The following MAF variants were observed in gnomAD, a reference collection of about 807,000 sequenced individuals.
The protein encoded by MAF is MAF bZIP transcription factor.
Under a neutral mutation model 22.0 loss-of-function variants are expected in MAF, and 10 were observed. The observed-to-expected ratio is 0.45, with a 90% CI of 0.28 to 0.77. The LOEUF (loss-of-function observed/expected upper bound fraction) is 0.77. Ranked by LOEUF, MAF falls within the 30% of genes least tolerant of loss-of-function variation. MAF has a pLI of 0.12. For synonymous variants in MAF, 337 were observed against 255.8 expected, an observed-to-expected ratio of 1.32 and a Z score of -3.03; for missense variants, 544 against 548.4, an observed-to-expected ratio of 0.99 and a Z score of 0.08.
the MAF span, among the ~76,000 whole-genome samples, chr16:79,504,939 T>A: frequency 6.6e-6 from 1 of 152,192 alleles, no homozygotes; most frequent in African/African-American, 2.4e-5. Context: ...ATTCTGTTTC[T>A]CAGGGGTGTC....
the MAF span, among the ~76,000 whole-genome samples, chr16:79,569,924 G>A: frequency 4.6e-5 from 7 of 151,898 alleles, no homozygotes; most frequent in East Asian, 5.8e-4. Flanking sequence ...GCTGGAATCC[G>A]GGAGGGATGC....
the MAF span, among the ~76,000 whole-genome samples, chr16:79,465,319 G>A: frequency 6.6e-5 from 10 of 152,308 alleles, no homozygotes; most frequent in African/African-American, 1.2e-4. Flanking sequence ...AGGGCAGGGC[G>A]TGGTGGCTTA....
chr16:79,260,854 C>G, the MAF span, among the ~76,000 whole-genome samples: 1 of 151,900 alleles, frequency 6.6e-6, no homozygotes, highest in African/African-American at 2.4e-5. Context: ...AAGTTGAGTT[C>G]TTTTAAAGAA....
the MAF span, among the ~76,000 whole-genome samples, chr16:79,295,560 T>C: frequency 4.6e-5 from 7 of 152,358 alleles, no homozygotes; most frequent in South Asian, 1.5e-3. Context: ...CTTGTTATAG[T>C]TCATGATGCA....
the MAF span, among the ~76,000 whole-genome samples, chr16:79,446,189 G>C: frequency 2.6e-5 from 4 of 152,152 alleles, no homozygotes; most frequent in Non-Finnish European, 5.9e-5. Flanking sequence ...TAGGATATTT[G>C]CTAAGCTATG....
chr16:79,401,868 G>C, the MAF span, among the ~76,000 whole-genome samples: 101 of 152,288 alleles, frequency 6.6e-4, 1 homozygote, highest in African/African-American at 2.4e-3. Flanking sequence ...GGTCATTGAT[G>C]GTGGTTGGCT....
chr16:79,396,437 C>T, the MAF span, among the ~76,000 whole-genome samples: 3 of 152,150 alleles, frequency 2.0e-5, no homozygotes, highest in Admixed American at 1.3e-4. Flanking sequence ...AGAAAAAGCT[C>T]GATTCAATTT....
the MAF span, among the ~76,000 whole-genome samples, chr16:79,368,125 C>A: frequency 4.9e-4 from 75 of 152,314 alleles, no homozygotes; most frequent in African/African-American, 1.7e-3. Flanking sequence ...AAGAGAGGAT[C>A]TTTGGCTCCA....
At chr16:79,491,957 C>T in the MAF span, among the ~76,000 whole-genome samples, 4 of 152,284 alleles carry the variant, frequency 2.6e-5, no homozygotes, top group African/African-American at 2.4e-5. Context: ...TTCTTTTCTA[C>T]GTACCCGGAA....
At chr16:79,380,997 G>A in the MAF span, among the ~76,000 whole-genome samples, 1 of 152,236 alleles carries the variant, frequency 6.6e-6, no homozygotes, top group Non-Finnish European at 1.5e-5. Flanking sequence ...CCCATACCTG[G>A]GATTAGAGCT....
the MAF span, among the ~76,000 whole-genome samples, chr16:79,535,449 G>A: frequency 1.3e-5 from 2 of 150,836 alleles, no homozygotes; most frequent in African/African-American, 4.9e-5. Flanking sequence ...CGTGCTGAGT[G>A]GTCAAGAGGT....
chr16:79,380,058 G>A, the MAF span, among the ~76,000 whole-genome samples: 1 of 152,154 alleles, frequency 6.6e-6, no homozygotes, highest in Non-Finnish European at 1.5e-5. Context: ...AACAGGTTTG[G>A]CATGGAACCC....
chr16:79,595,403 G>A (rs1437858932), intron 1 of MAF: 1 of 1,053,268 alleles, frequency 9.5e-7, no homozygotes, highest in Non-Finnish European at 1.1e-6. Context: ...AGTCAGAGTT[G>A]CAATATTATC....
chr16:79,225,176 G>A, the MAF span, among the ~76,000 whole-genome samples: 1 of 152,046 alleles, frequency 6.6e-6, no homozygotes, highest in African/African-American at 2.4e-5. Context: ...ATAGATTAAT[G>A]GAACAGAACA....
the MAF span, among the ~76,000 whole-genome samples, chr16:79,438,394 G>T: frequency 6.6e-6 from 1 of 152,180 alleles, no homozygotes; most frequent in Non-Finnish European, 1.5e-5. Flanking sequence ...CAGGACGTTT[G>T]AAATATTAAC....
the MAF span, among the ~76,000 whole-genome samples, chr16:79,405,758 C>G: frequency 0.014 from 2,061 of 152,220 alleles, 48 homozygotes; most frequent in African/African-American, 0.047. Flanking sequence ...TGAGCTCTTG[C>G]ATTATCTTAT....
chr16:79,227,621 C>T, the MAF span, among the ~76,000 whole-genome samples: 1 of 151,802 alleles, frequency 6.6e-6, no homozygotes, highest in Admixed American at 6.6e-5. Flanking sequence ...ATATGACAAA[C>T]CCCATTCTAC....
At chr16:79,217,762 A>G in the MAF span, among the ~76,000 whole-genome samples, 1 of 152,120 alleles carries the variant, frequency 6.6e-6, no homozygotes, top group Admixed American at 6.5e-5. Context: ...CCTTGCTGCA[A>G]CTTATCAATA....
the MAF span, among the ~76,000 whole-genome samples, chr16:79,465,658 TA>T: frequency 6.6e-6 from 1 of 151,940 alleles, no homozygotes; most frequent in South Asian, 2.1e-4. Context: ...CACATATTAT[TA>T]TTTTTTTAAA....
Sources: gnomAD v4.1 joint callset for allele counts (sites outside exome capture counted in the v4.1 genomes callset) on GRCh38, gnomAD v4.1.1 for gene constraint, MANE v1.5 for transcripts, NCBI Gene and HGNC (gene_info 2026-07-23, HGNC 2026-07-21) for gene names.